Variants in ALPK2 observed in about 807,000 individuals in gnomAD.
The protein encoded by ALPK2 is alpha-protein kinase 2.
Under a neutral mutation model 163.1 loss-of-function variants are expected in ALPK2, and 127 were observed. The ratio of observed to expected loss-of-function variants is 0.78; its 90% CI spans 0.67 to 0.90. The LOEUF is 0.90. ALPK2 is among the 40% of genes least tolerant of loss of function. ALPK2 has a pLI of 0.00. For missense variants in ALPK2, 2,360 were observed against 2,589.6 expected (o/e 0.91, Z 1.92); for synonymous variants, 953 against 959.1 (o/e 0.99, Z 0.12).
At chr18:58,562,826 G>A (rs1000113074) in intron 4 of ALPK2, among the ~76,000 whole-genome samples, 2 of 152,212 alleles carry the variant, frequency 1.3e-5, no homozygotes, top group African/African-American at 4.8e-5. Context: ...CTGCCTTCTC[G>A]TTGTGTCCTC....
chr18:58,497,374 A>G (rs1196408012), intron 12 of ALPK2, among the ~76,000 whole-genome samples: 5 of 152,196 alleles, frequency 3.3e-5, no homozygotes, highest in Non-Finnish European at 7.3e-5. Context: ...ACCAAGAACA[A>G]CAAATGGCTG....
intron 3 of ALPK2, 45 bp downstream of exon 3, chr18:58,607,277 A>C (rs1202963958): frequency 7.3e-7 from 1 of 1,378,932 alleles, no homozygotes; most frequent in East Asian, 2.3e-5. Context: ...ACATGACAGA[A>C]TATAAGGATA....
At chr18:58,525,857 G>A (rs1410970126) in intron 6 of ALPK2, among the ~76,000 whole-genome samples, 1 of 151,258 alleles carries the variant, frequency 6.6e-6, no homozygotes, top group Non-Finnish European at 1.5e-5. Context: ...AGTAGTATTA[G>A]TGTGCTTTCT....
chr18:58,510,824 T>A (rs1271562821), intron 10 of ALPK2, among the ~76,000 whole-genome samples: 2 of 152,230 alleles, frequency 1.3e-5, no homozygotes, highest in Admixed American at 6.5e-5. Context: ...AATCATGTCA[T>A]CTGCAAACAG....
At position 58,535,813 on chromosome 18, in the gene ALPK2, C is replaced by T. The variant is rs550486563; in HGVS notation, c.4374G>A (p.Gln1458=). ...QPAILQVPCL[Q]GTILSENRIS... ...TTCTATTTTCACTCAGAATGGTTCC[C>T]TGGAGACATGGAACTTGCAAAATGG... Residue 1458 remains glutamine, a synonymous_variant, in exon 5 of 13, where the codon CAG becomes CAA. Transcript: ENST00000361673. 1.2e-6 allele frequency: 2 copies of T among 1,614,240 alleles called. No individual in the cohort carries two copies. The highest frequency in any genetic ancestry group is 1.7e-5 in the Admixed American group (1 of 60,030).
intron 4 of ALPK2, among the ~76,000 whole-genome samples, chr18:58,574,987 G>T (rs1473844400): frequency 9.9e-5 from 15 of 152,136 alleles, no homozygotes; most frequent in Admixed American, 9.8e-4. Flanking sequence ...GCCGAGGCAG[G>T]TGGATCACCT....
intron 1 of ALPK2, among the ~76,000 whole-genome samples, chr18:58,626,848 A>T (rs765350031): frequency 6.6e-6 from 1 of 151,850 alleles, no homozygotes; most frequent in African/African-American, 2.4e-5. Context: ...ATTACTTTAT[A>T]TAGTTTATTT....
In ALPK2 at chr18:58,492,001, G is replaced by A. The variant is rs542703969; in HGVS notation, c.6296+6048C>T. On this transcript the variant is annotated intron_variant, in intron 12 of 12. Transcript: ENST00000361673. The stretch of plus-strand genomic sequence containing the variant: ...TCCAGTGTGCTCCAAGTTGCACAGC[G>A]AGGGCTGCAGGGCCTTCCGTATTGA... Among the ~76,000 whole-genome samples, 96 of 152,340 alleles carry A rather than the reference G, an allele frequency of 6.3e-4. 1 individual carries two copies. The highest frequency in any genetic ancestry group is 2.3e-3 in the African/African-American group (94 of 41,576).
chr18:58,503,489 C>T (rs974527982), intron 11 of ALPK2, among the ~76,000 whole-genome samples: 11 of 152,016 alleles, frequency 7.2e-5, no homozygotes, highest in Non-Finnish European at 1.2e-4. Context: ...CCCAGTAGTT[C>T]GAGACCAGCC....
intron 2 of ALPK2, among the ~76,000 whole-genome samples, chr18:58,607,736 G>A (rs1289583149): frequency 6.6e-6 from 1 of 152,032 alleles, no homozygotes; most frequent in African/African-American, 2.4e-5. Context: ...TCCAATACTT[G>A]GAAATAAGGC....
At position 58,541,086 on chromosome 18, in the gene ALPK2, T is replaced by C. The variant is rs150072351; in HGVS notation, c.1963-2862A>G. 9.4e-3 allele frequency among the ~76,000 whole-genome samples: 1,430 copies of C among 152,340 alleles called. 21 individuals are homozygous for C. The highest frequency in any genetic ancestry group is 0.032 in the African/African-American group (1,329 of 41,572). ...ATTTATTTGCACCTTTCCTCTTGTA[T>C]TAGTCAGTTCTTGCACTGCTATAAA... On this transcript the variant is annotated intron_variant, in intron 4 of 12. Coordinates refer to ENST00000361673, the MANE Select transcript of ALPK2 (RefSeq NM_052947.4).
intron 3 of ALPK2, among the ~76,000 whole-genome samples, chr18:58,598,414 G>T (rs2052051746): frequency 6.6e-6 from 1 of 152,216 alleles, no homozygotes; most frequent in African/African-American, 2.4e-5. Flanking sequence ...GGGGCGTGAG[G>T]TCCAAGTCAC....
At position 58,538,115 on chromosome 18, in the gene ALPK2, A is replaced by G. The variant is rs781748326; in HGVS notation, c.2072T>C (p.Phe691Ser). The G allele has an allele frequency of 2.2e-5, 35 of 1,613,968 alleles. No individual in the cohort carries two copies. The highest frequency in any genetic ancestry group is 8.3e-5 in the Admixed American group (5 of 60,004). ...CTTGTGGACCCCTCCTAAGTTTGAGAAGGAAATTGTTGTGGTCCCAGTGAA... is the reference window on the plus strand; with the variant it reads ...CTTGTGGACCCCTCCTAAGTTTGAGGAGGAAATTGTTGTGGTCCCAGTGAA... ...SPFTGTTTISFSNLGGVHKEN... is the reference protein window; with the variant it reads ...SPFTGTTTISSSNLGGVHKEN... The change falls in exon 5 of 13, where the codon TTC (phenylalanine) becomes TCC (serine). Residue 691 changes from phenylalanine (F) to serine (S), a missense_variant. Coordinates refer to ENST00000361673, the MANE Select transcript of ALPK2 (RefSeq NM_052947.4).
chr18:58,539,988 A>T (rs1175672587), intron 4 of ALPK2, among the ~76,000 whole-genome samples: 1 of 152,222 alleles, frequency 6.6e-6, no homozygotes, highest in African/African-American at 2.4e-5. Context: ...AAGAAATTTA[A>T]TATAAACTCC....
chr18:58,537,387 G>A lies in ALPK2; in HGVS notation c.2800C>T (p.Pro934Ser), dbSNP rs2051657520. 6.2e-6 allele frequency: 10 copies of A among 1,613,874 alleles called. No homozygotes were observed. The highest frequency in any genetic ancestry group is 2.7e-5 in the African/African-American group (2 of 75,020). ...TCATCAAGCCCTCCTGAGTTGCTGG[G>A]GCTTGGCTGCTCCTGGCCAGCATGT... ...TVHAGQEQPS[P>S]SNSGGLDETQ... The change falls in exon 5 of 13, where the codon CCC becomes TCC. Residue 934 changes from proline to serine, a missense_variant. Physicochemically the swap from Pro to Ser is moderately conservative, Grantham distance 74. Coordinates refer to ENST00000361673, the MANE Select transcript of ALPK2 (RefSeq NM_052947.4).
At chr18:58,574,690 T>C (rs925738298) in intron 4 of ALPK2, among the ~76,000 whole-genome samples, 1 of 152,100 alleles carries the variant, frequency 6.6e-6, no homozygotes, top group Non-Finnish European at 1.5e-5. Context: ...CCCCGCCCCG[T>C]TCCGGCTGTG....
chr18:58,518,764 G>C (rs1157474837), intron 8 of ALPK2, among the ~76,000 whole-genome samples: 1 of 152,024 alleles, frequency 6.6e-6, no homozygotes, highest in Non-Finnish European at 1.5e-5. Flanking sequence ...GATTTTCCAG[G>C]GCTGTGGAAA....
chr18:58,575,154 G>A (rs36035130), intron 4 of ALPK2, among the ~76,000 whole-genome samples: 26,371 of 151,114 alleles, frequency 0.17, 2,524 homozygotes, highest in African/African-American at 0.22. Flanking sequence ...CAGAGGTTGC[G>A]GTGGGCCGAG....
intron 3 of ALPK2, among the ~76,000 whole-genome samples, chr18:58,590,498 A>C (rs1220664969): frequency 6.6e-6 from 1 of 152,160 alleles, no homozygotes; most frequent in African/African-American, 2.4e-5. Context: ...CTCAATAAAT[A>C]ATCACATGAT....
Sources: allele counts gnomAD v4.1 joint callset (sites outside exome capture counted in the v4.1 genomes callset), GRCh38; gene constraint gnomAD v4.1.1; transcripts MANE v1.5; gene names NCBI Gene and HGNC (gene_info 2026-07-23, HGNC 2026-07-21).